The following ENOX1 variants were observed in gnomAD, a reference collection of about 807,000 sequenced individuals.
ENOX1 encodes ecto-NOX disulfide-thiol exchanger 1, also known as candidate growth-related and time keeping constitutive hydroquinone (NADH) oxidase.
ENOX1 carries 42 observed loss-of-function variants against 82.5 expected under a neutral mutation model. That is an observed-to-expected ratio of 0.51 (90% CI 0.40 to 0.66). The LOEUF is 0.66. Ranked by LOEUF, ENOX1 falls within the 30% of genes least tolerant of loss-of-function variation. The pLI is 0.00. For missense variants in ENOX1, 608 were observed against 811.6 expected, an observed-to-expected ratio of 0.75 and a Z score of 3.05; for synonymous variants, 271 against 282.2, an observed-to-expected ratio of 0.96 and a Z score of 0.40.
chr13:43,419,040 T>C (rs764764555), intron 3 of ENOX1, among the ~76,000 whole-genome samples: 5 of 152,042 alleles, frequency 3.3e-5, no homozygotes, highest in Non-Finnish European at 7.4e-5. Flanking sequence ...TAGCTGGGTA[T>C]GGTGGCGGGT....
chr13:43,538,816 GC>G (rs533411390), intron 2 of ENOX1, among the ~76,000 whole-genome samples: 400 of 47,060 alleles, frequency 8.5e-3, no homozygotes, highest in Admixed American at 0.023. Context: ...GAAAACATTT[GC>G]CTTTCCTCCC....
At chr13:43,381,083 C>T (rs1275037303) in intron 5 of ENOX1, among the ~76,000 whole-genome samples, 1 of 151,670 alleles carries the variant, frequency 6.6e-6, no homozygotes, top group Non-Finnish European at 1.5e-5. Flanking sequence ...GAGTACTTCA[C>T]CCAACAAAAC....
chr13:43,767,116 G>A (rs1051008394), intron 1 of ENOX1, among the ~76,000 whole-genome samples: 21 of 152,112 alleles, frequency 1.4e-4, no homozygotes, highest in Non-Finnish European at 2.4e-4. Context: ...TTAGTTTCAC[G>A]GGGAATGAGA....
At chr13:43,309,970 G>A (rs1244568246) in intron 11 of ENOX1, among the ~76,000 whole-genome samples, 1 of 152,056 alleles carries the variant, frequency 6.6e-6, no homozygotes, top group Non-Finnish European at 1.5e-5. Context: ...TTGGGAGGCT[G>A]AGGTGGGCAT....
chr13:43,437,079 A>G (rs1420960388), intron 3 of ENOX1, among the ~76,000 whole-genome samples: 3 of 152,210 alleles, frequency 2.0e-5, no homozygotes, highest in African/African-American at 7.2e-5. Flanking sequence ...TTGAAAAAAC[A>G]TACCAAAGGG....
chr13:43,288,501 GC>G (rs1020143971), intron 12 of ENOX1, among the ~76,000 whole-genome samples: 93 of 152,008 alleles, frequency 6.1e-4, no homozygotes, highest in African/African-American at 2.1e-3. Flanking sequence ...TATTTTTTGA[GC>G]TTTTTAAAGC....
intron 12 of ENOX1, among the ~76,000 whole-genome samples, chr13:43,282,141 T>C (rs1041437174): frequency 2.6e-5 from 4 of 152,178 alleles, no homozygotes; most frequent in Admixed American, 6.6e-5. Flanking sequence ...ATCAAAATGT[T>C]TGTATTATTC....
intron 2 of ENOX1, among the ~76,000 whole-genome samples, chr13:43,623,481 G>A (rs1002710332): frequency 2.0e-4 from 31 of 152,084 alleles, no homozygotes; most frequent in African/African-American, 7.0e-4. Flanking sequence ...CTCAGCTCCA[G>A]GTAAACTCGG....
chr13:43,274,278 G>A (rs1219082478), intron 12 of ENOX1, among the ~76,000 whole-genome samples: 1 of 152,116 alleles, frequency 6.6e-6, no homozygotes, highest in African/African-American at 2.4e-5. Flanking sequence ...ACCACAATAA[G>A]AACAAAATCA....
At chr13:43,434,935 TGG>T (rs1566210048) in intron 3 of ENOX1, among the ~76,000 whole-genome samples, 3 of 77,334 alleles carry the variant, frequency 3.9e-5, no homozygotes, top group Admixed American at 1.7e-4. Flanking sequence ...TGTGTGTGTG[TGG>T]TTTTTTTTTT....
intron 5 of ENOX1, among the ~76,000 whole-genome samples, chr13:43,365,785 A>C (rs2153563504): frequency 6.6e-6 from 1 of 152,324 alleles, no homozygotes; most frequent in East Asian, 1.9e-4. Flanking sequence ...GCCTGCTTGG[A>C]TGCTGAGTCT....
intron 3 of ENOX1, among the ~76,000 whole-genome samples, chr13:43,432,845 T>C (rs574328648): frequency 5.3e-5 from 8 of 152,114 alleles, no homozygotes; most frequent in Non-Finnish European, 8.8e-5. Context: ...ATTCAGACAC[T>C]ATTACCTCAA....
chr13:43,439,610 C>T (rs2056249074), intron 3 of ENOX1, among the ~76,000 whole-genome samples: 1 of 152,188 alleles, frequency 6.6e-6, no homozygotes, highest in Non-Finnish European at 1.5e-5. Flanking sequence ...CAAATTCAAT[C>T]TTTTCTTATA....
chr13:43,677,190 T>C (rs1394062419), intron 1 of ENOX1, among the ~76,000 whole-genome samples: 2 of 152,114 alleles, frequency 1.3e-5, no homozygotes, highest in African/African-American at 2.4e-5. Context: ...GAAAGGCAGA[T>C]GGCAAGCATG....
intron 2 of ENOX1, among the ~76,000 whole-genome samples, chr13:43,495,145 C>A (rs1007140684): frequency 6.6e-6 from 1 of 152,016 alleles, no homozygotes; most frequent in African/African-American, 2.4e-5. Flanking sequence ...AATGTTTCAC[C>A]AAAGATCAAT....
At chr13:43,392,603 G>A (rs1422240300) in intron 5 of ENOX1, among the ~76,000 whole-genome samples, 1 of 152,220 alleles carries the variant, frequency 6.6e-6, no homozygotes, top group African/African-American at 2.4e-5. Context: ...GCTGAGGCAG[G>A]AGAATCATTT....
intron 2 of ENOX1, among the ~76,000 whole-genome samples, chr13:43,589,270 A>G (rs2081135819): frequency 1.3e-5 from 2 of 150,760 alleles, no homozygotes; most frequent in African/African-American, 2.5e-5. Flanking sequence ...AGTGCTGTTA[A>G]GTCTGAGACC....
intron 14 of ENOX1, among the ~76,000 whole-genome samples, chr13:43,241,218 C>T (rs2042814141): frequency 6.6e-6 from 1 of 152,170 alleles, no homozygotes; most frequent in Non-Finnish European, 1.5e-5. Flanking sequence ...ATGGAAAGGA[C>T]CTTATCAGAA....
At chr13:43,664,771 T>C (rs937018879) in intron 2 of ENOX1, among the ~76,000 whole-genome samples, 1 of 152,196 alleles carries the variant, frequency 6.6e-6, no homozygotes, top group Non-Finnish European at 1.5e-5. Flanking sequence ...ATATTTGGTA[T>C]TTGGTGGAAC....
Sources: gnomAD v4.1 joint callset for allele counts (sites outside exome capture counted in the v4.1 genomes callset) on GRCh38, gnomAD v4.1.1 for gene constraint, MANE v1.5 for transcripts, NCBI Gene and HGNC (gene_info 2026-07-23, HGNC 2026-07-21) for gene names.